Variants in DIAPH2 observed in about 807,000 individuals in gnomAD.
DIAPH2 encodes the protein protein diaphanous homolog 2.
Under a neutral mutation model 92.7 loss-of-function variants are expected in DIAPH2, and 35 were observed. The observed-to-expected ratio is 0.38, with a 90% CI of 0.29 to 0.50. The LOEUF is 0.50. Among genes scored for constraint, DIAPH2 ranks in the 20% least tolerant of loss-of-function variants. DIAPH2 has a pLI of 0.94. For missense variants in DIAPH2, 701 were observed against 819.5 expected (o/e 0.86, Z 1.77); for synonymous variants, 301 against 280.4 (o/e 1.07, Z -0.73).
At chrX:96,906,073 C>G (rs1159074953) in intron 5 of DIAPH2, among the ~76,000 whole-genome samples, 3 of 112,432 alleles carry the variant, frequency 2.7e-5, no homozygotes, top group South Asian at 3.7e-4. Flanking sequence ...AGCTTGCAGT[C>G]AGCCGAGATG....
intron 25 of DIAPH2, among the ~76,000 whole-genome samples, chrX:97,389,302 A>G (rs918381327): frequency 9.2e-6 from 1 of 109,100 alleles, no homozygotes; most frequent in African/African-American, 3.3e-5. Context: ...CCCCGTCTCT[A>G]CTAAAAATAC....
chrX:97,218,602 G>GA (rs892674751), intron 22 of DIAPH2, among the ~76,000 whole-genome samples: 6 of 106,166 alleles, frequency 5.7e-5, no homozygotes, highest in Admixed American at 1.0e-4. Flanking sequence ...GCTAATACAA[G>GA]AAAAAAAAAA....
At position 97,604,912 on chromosome X, in the gene DIAPH2, C is replaced by A. The variant is rs955088243; in HGVS notation, c.*5595C>A. On this transcript the variant is annotated 3_prime_UTR_variant, in exon 27 of 27. Coordinates refer to ENST00000324765, the MANE Select transcript of DIAPH2 (RefSeq NM_006729.5). ...CTGTCATTTCACCTTGGAATAAACA[C>A]CTATCTCTAAGCAGGACCAAGAATG... 9 of 112,224 alleles carry A rather than the reference C, an allele frequency of 8.0e-5. No individual in the cohort carries two copies. Among genetic ancestry groups the A allele is most frequent in the Admixed American group, 4.7e-4 (5 of 10,540 alleles). 9.2% of individuals were successfully genotyped at this position (112,224 alleles called of 1,213,427 possible). A position where few individuals can be genotyped will look rare whatever the true frequency, so the allele number is the denominator to read the frequency against.
chrX:96,704,625 C>T (rs2063873448), intron 1 of DIAPH2, among the ~76,000 whole-genome samples: 2 of 111,915 alleles, frequency 1.8e-5, no homozygotes, highest in South Asian at 7.5e-4. Context: ...CTACTGGTCT[C>T]TCCTCCATTT....
intron 19 of DIAPH2, among the ~76,000 whole-genome samples, chrX:97,096,019 C>T (rs1410754900): frequency 8.9e-6 from 1 of 111,785 alleles, no homozygotes; most frequent in Non-Finnish European, 1.9e-5. Flanking sequence ...AAAAAATATG[C>T]ACAGTAGTAA....
intron 25 of DIAPH2, 108 bp from the exon 26 acceptor site, chrX:97,429,542 C>G: frequency 7.8e-6 from 8 of 1,024,191 alleles, no homozygotes; most frequent in Non-Finnish European, 1.0e-5. Context: ...AGATATATGT[C>G]TTTAATTTAG....
At chrX:97,347,133 G>A in intron 23 of DIAPH2, among the ~76,000 whole-genome samples, 1 of 95,485 alleles carries the variant, frequency 1.0e-5, no homozygotes, top group Admixed American at 1.2e-4. Flanking sequence ...CTGTCGCCCA[G>A]GCTGGAGTGC....
At chrX:96,864,291 C>CTTTTT (rs771042613) in intron 4 of DIAPH2, among the ~76,000 whole-genome samples, 2 of 87,304 alleles carry the variant, frequency 2.3e-5, no homozygotes, top group African/African-American at 8.4e-5. Flanking sequence ...TTTTGAGGCA[C>CTTTTT]TTTTTTTTTT....
intron 17 of DIAPH2, among the ~76,000 whole-genome samples, chrX:97,047,774 C>A (rs1488401872): frequency 1.8e-5 from 2 of 108,310 alleles, no homozygotes; most frequent in Non-Finnish European, 3.8e-5. Context: ...GATCCTCTGA[C>A]TTTGTTCTAT....
intron 1 of DIAPH2, among the ~76,000 whole-genome samples, chrX:96,719,359 C>T (rs181618196): frequency 2.2e-4 from 25 of 111,898 alleles, no homozygotes; most frequent in East Asian, 1.1e-3. Context: ...AATCTTTGCC[C>T]GGTCCAATGT....
At chrX:97,250,814 T>G (rs1483750604) in intron 23 of DIAPH2, among the ~76,000 whole-genome samples, 1 of 111,821 alleles carries the variant, frequency 8.9e-6, no homozygotes, top group East Asian at 2.8e-4. Context: ...TTTATAAAAA[T>G]TTTCTTCATA....
In DIAPH2 at chrX:97,166,245, T is replaced by C. The variant is rs184117712; in HGVS notation, c.2719+24451T>C. Among the ~76,000 whole-genome samples, 5 of 111,793 alleles carry C rather than the reference T, an allele frequency of 4.5e-5. No individual in the cohort carries two copies. The East Asian group carries it at 1.4e-3, about 31-fold the overall frequency. ...AATATGGAACAAAAGTAAGATATCA[T>C]TGCTGAATGCTGTTTTATGGAAAAA... On this transcript the variant is annotated intron_variant, in intron 22 of 26. Coordinates refer to ENST00000324765, the MANE Select transcript of DIAPH2 (RefSeq NM_006729.5).
At chrX:97,542,952 C>T (rs2071151982) in intron 26 of DIAPH2, among the ~76,000 whole-genome samples, 2 of 112,033 alleles carry the variant, frequency 1.8e-5, no homozygotes, top group Non-Finnish European at 3.8e-5. Flanking sequence ...GAATGCGGGG[C>T]TCAATAAATG....
chrX:97,466,478 A>C (rs72614323), intron 26 of DIAPH2, among the ~76,000 whole-genome samples: 1 of 110,657 alleles, frequency 9.0e-6, no homozygotes, highest in Admixed American at 9.7e-5. Context: ...GTATTAAAAA[A>C]CAGAATTCTA....
At chrX:97,320,056 C>T (rs1410304381) in intron 23 of DIAPH2, among the ~76,000 whole-genome samples, 5 of 105,147 alleles carry the variant, frequency 4.8e-5, no homozygotes, top group Admixed American at 1.0e-4. Context: ...GCCAAGATTG[C>T]GCCATTGCAC....
intron 17 of DIAPH2, among the ~76,000 whole-genome samples, chrX:97,038,420 T>A (rs1318246658): frequency 6.3e-5 from 7 of 111,927 alleles, no homozygotes; most frequent in Non-Finnish European, 1.3e-4. Flanking sequence ...TTTAGTTCTT[T>A]ATGAAATCTC....
At chrX:97,596,575 T>C (rs917838374) in intron 26 of DIAPH2, among the ~76,000 whole-genome samples, 70 of 111,725 alleles carry the variant, frequency 6.3e-4, no homozygotes, top group African/African-American at 2.2e-3. Flanking sequence ...TCTCAGATCA[T>C]ATCACATGAG....
intron 17 of DIAPH2, among the ~76,000 whole-genome samples, chrX:96,994,917 A>G (rs976139867): frequency 3.6e-5 from 4 of 111,369 alleles, no homozygotes; most frequent in Non-Finnish European, 5.6e-5. Flanking sequence ...ACAATTCAAG[A>G]TGAGATTTTG....
At chrX:97,464,566 G>A (rs1349464436) in intron 26 of DIAPH2, among the ~76,000 whole-genome samples, 3 of 111,315 alleles carry the variant, frequency 2.7e-5, no homozygotes, top group Non-Finnish European at 3.8e-5. Flanking sequence ...GACTGATCCA[G>A]CTAGCCTGTG....
Sources: allele counts gnomAD v4.1 joint callset (sites outside exome capture counted in the v4.1 genomes callset), GRCh38; gene constraint gnomAD v4.1.1; transcripts MANE v1.5; gene names NCBI Gene and HGNC (gene_info 2026-07-23, HGNC 2026-07-21).